The following AFF1 variants were observed in gnomAD, a reference collection of about 807,000 sequenced individuals.
AFF1 encodes AF4/FMR2 family member 1.
AFF1 carries 48 observed loss-of-function variants against 121.7 expected under a neutral mutation model. That is an observed-to-expected ratio of 0.39 (90% confidence interval 0.31 to 0.50). AFF1 has a LOEUF of 0.50. Ranked by LOEUF, AFF1 falls within the 20% of genes least tolerant of loss-of-function variation. The probability of loss-of-function intolerance (pLI) is 0.76; values close to 1 mark genes in which losing one functional copy is unlikely to be tolerated. For synonymous variants in AFF1, 613 were observed against 563.0 expected (o/e 1.09, Z -1.26); for missense variants, 1,523 against 1,511.7 (o/e 1.01, Z -0.12).
At chr4:87,119,070 G>A (rs1426099210) in intron 12 of AFF1, among the ~76,000 whole-genome samples, 1 of 152,046 alleles carries the variant, frequency 6.6e-6, no homozygotes, top group Non-Finnish European at 1.5e-5. Flanking sequence ...CTTATATCCA[G>A]TCAGGGTGGG....
In AFF1 at chr4:86,996,056, TGAG is replaced by T. The variant is rs776324940; in HGVS notation, c.38+47489_38+47491del. Among the ~76,000 whole-genome samples the T allele has an allele frequency of 4.7e-5, 7 of 149,426 alleles. No individual in the cohort carries two copies. The East Asian group carries it at 1.4e-3, about 30-fold the overall frequency. ...CCCAGCAGCCACCCCGTCTGGGAAG[TGAG>T]GAGCGTCTCTGCCCGGCAGCCACCT... On this transcript the variant is annotated intron_variant, in intron 2 of 20. Transcript: ENST00000395146.
chr4:87,032,892 T>C (rs1022250917), intron 2 of AFF1, among the ~76,000 whole-genome samples: 4 of 152,150 alleles, frequency 2.6e-5, no homozygotes, highest in Non-Finnish European at 4.4e-5. Context: ...CTCACACCTG[T>C]AGTTCCAGCA....
At chr4:87,060,878 CAACA>C (rs1431763877) in intron 4 of AFF1, among the ~76,000 whole-genome samples, 5 of 106,054 alleles carry the variant, frequency 4.7e-5, no homozygotes, top group Non-Finnish European at 8.6e-5. Context: ...CACAAAAAAA[CAACA>C]ACAAAAAAAC....
Position 87,032,328 on chromosome 4 carries a change from A to G in AFF1, c.39-13838A>G, listed in dbSNP as rs561806345. ...TCTTCCTACTTGAAATGTCTGTGGA[A>G]TGAAATGGAACAAAATGAAACTGCC... On this transcript the variant is annotated intron_variant, in intron 2 of 20. Coordinates refer to ENST00000395146, the MANE Select transcript of AFF1 (RefSeq NM_001166693.3). 3.3e-5 allele frequency among the ~76,000 whole-genome samples: 5 copies of G among 152,336 alleles called. No homozygotes were observed. The South Asian group carries it at 1.0e-3, about 32-fold the overall frequency.
chr4:87,130,757 A>C (rs1341872893), intron 16 of AFF1, among the ~76,000 whole-genome samples: 1 of 152,230 alleles, frequency 6.6e-6, no homozygotes, highest in East Asian at 1.9e-4. Flanking sequence ...TTTCTCAAGG[A>C]AGTTATAGAA....
intron 1 of AFF1, among the ~76,000 whole-genome samples, chr4:86,937,570 G>A (rs1720108466): frequency 6.6e-6 from 1 of 152,046 alleles, no homozygotes; most frequent in African/African-American, 2.4e-5. Context: ...TATTTATCAG[G>A]CACCTTTACA....
At chr4:87,108,026 G>A (rs1467708474) in intron 10 of AFF1, 133 bp from the exon 11 acceptor site, 4 of 895,814 alleles carry the variant, frequency 4.5e-6, no homozygotes, top group Admixed American at 6.0e-5. Flanking sequence ...CTCTCAGTTG[G>A]ATGACATGAT....
chr4:87,085,653 C>T (rs1167346047), intron 5 of AFF1, among the ~76,000 whole-genome samples: 2 of 151,868 alleles, frequency 1.3e-5, no homozygotes, highest in African/African-American at 4.8e-5. Context: ...AGTATCTAAC[C>T]AGTTGTTTGG....
At chr4:87,095,040 C>A in intron 8 of AFF1, 71 bp downstream of exon 8, 7 of 1,420,848 alleles carry the variant, frequency 4.9e-6, no homozygotes, top group Non-Finnish European at 6.9e-6. Context: ...CAATGCATTG[C>A]TTAGATTTTT....
At chr4:87,130,088 C>G (rs1011780422) in intron 16 of AFF1, among the ~76,000 whole-genome samples, 1 of 151,948 alleles carries the variant, frequency 6.6e-6, no homozygotes, top group Admixed American at 6.6e-5. Context: ...GACTCTCCTG[C>G]CTCAGCCTCC....
intron 2 of AFF1, among the ~76,000 whole-genome samples, chr4:86,972,957 A>G (rs1053444956): frequency 6.6e-6 from 1 of 152,200 alleles, no homozygotes; most frequent in African/African-American, 2.4e-5. Flanking sequence ...TAGCTGATCT[A>G]GGTTAGGGCT....
intron 10 of AFF1, among the ~76,000 whole-genome samples, chr4:87,106,806 A>C (rs1725954574): frequency 6.6e-6 from 1 of 152,236 alleles, no homozygotes; most frequent in South Asian, 2.1e-4. Context: ...ATTAGCAATA[A>C]AATCTTGTCC....
At position 87,106,792 on chromosome 4, in the gene AFF1, C is replaced by T. The variant is rs561032314; in HGVS notation, c.1376+947C>T. The stretch of plus-strand genomic sequence containing the variant: ...TGAGATGTGCTCATCCACTCAGAGA[C>T]GACATTAGCAATAAAATCTTGTCCA... On this transcript the variant is annotated intron_variant, in intron 10 of 20. Coordinates refer to ENST00000395146, the MANE Select transcript of AFF1 (RefSeq NM_001166693.3). Among the ~76,000 whole-genome samples the T allele has an allele frequency of 5.9e-5, 9 of 152,276 alleles. No individual in the cohort carries two copies. In the South Asian group the frequency reaches 8.3e-4, roughly 14 times the overall value.
intron 2 of AFF1, among the ~76,000 whole-genome samples, chr4:86,959,324 C>G (rs566170096): frequency 6.6e-6 from 1 of 152,166 alleles, no homozygotes; most frequent in South Asian, 2.1e-4. Flanking sequence ...TATGTGAGCT[C>G]TACACTTTAA....
chr4:87,046,266 CT>C lies in AFF1; in HGVS notation c.144del (p.Phe48LeufsTer27). 1 of 1,613,516 alleles carries C rather than the reference CT, an allele frequency of 6.2e-7. No homozygotes were observed. The highest frequency in any genetic ancestry group is 8.5e-7 in the Non-Finnish European group (1 of 1,179,870). On this transcript the variant is annotated frameshift_variant, in exon 3 of 21. Transcript: ENST00000395146. LOFTEE classifies it high-confidence loss of function. ...AGAGGCATTTCCTGAAAAGATTCCC[CT>C]TTTTGGAGAGCCCTACAAGGTATTT... ...EKEAFPEKIPLFGEPYKTAKG... is the reference protein window; with the variant it reads ...EKEAFPEKIPXFGEPYKTAKG...
chr4:86,986,357 C>T (rs1323971896), intron 2 of AFF1, among the ~76,000 whole-genome samples: 1 of 152,100 alleles, frequency 6.6e-6, no homozygotes, highest in African/African-American at 2.4e-5. Context: ...AGGCATGAGC[C>T]ACCGTGCCTG....
chr4:87,119,123 C>T (rs1727417113), intron 12 of AFF1, among the ~76,000 whole-genome samples: 2 of 152,294 alleles, frequency 1.3e-5, no homozygotes, highest in Non-Finnish European at 2.9e-5. Context: ...TCTCCTGCCT[C>T]ACTGGGGTTA....
At chr4:87,071,844 G>A (rs1247512025) in intron 4 of AFF1, among the ~76,000 whole-genome samples, 1 of 152,152 alleles carries the variant, frequency 6.6e-6, no homozygotes, top group Non-Finnish European at 1.5e-5. Context: ...GAAGAATCAG[G>A]AAAGATAGTG....
intron 7 of AFF1, among the ~76,000 whole-genome samples, chr4:87,094,527 TA>T (rs1454404689): frequency 5.3e-5 from 8 of 152,260 alleles, no homozygotes; most frequent in Admixed American, 1.3e-4. Context: ...CAGAGCTGTC[TA>T]AAGAGAGTGA....
Sources: gnomAD v4.1 joint callset for allele counts (sites outside exome capture counted in the v4.1 genomes callset) on GRCh38, gnomAD v4.1.1 for gene constraint, MANE v1.5 for transcripts, NCBI Gene and HGNC (gene_info 2026-07-23, HGNC 2026-07-21) for gene names.